PRICKLE2: variants seen among roughly 807,000 people sequenced by gnomAD.
PRICKLE2 encodes the protein prickle planar cell polarity protein 2, also known as prickle-like protein 2.
Under a neutral mutation model 81.4 loss-of-function variants are expected in PRICKLE2, and 21 were observed. The observed-to-expected ratio is 0.26, with a 90% CI of 0.18 to 0.37. The LOEUF is 0.37. Among genes scored for constraint, PRICKLE2 ranks in the 10% least tolerant of loss-of-function variants. The pLI is 1.00. For synonymous variants in PRICKLE2, 456 were observed against 421.5 expected (o/e 1.08, Z -1.00); for missense variants, 940 against 1,109.0 (o/e 0.85, Z 2.16).
chr3:64,263,977 G>A (rs1413093296), intron 2 of PRICKLE2, among the ~76,000 whole-genome samples: 1 of 152,144 alleles, frequency 6.6e-6, no homozygotes, highest in African/African-American at 2.4e-5. Context: ...TAGAGAAGCA[G>A]GCTTCGGCAG....
chr3:64,110,053 T>A (rs773311875), intron 7 of PRICKLE2, among the ~76,000 whole-genome samples: 1 of 152,224 alleles, frequency 6.6e-6, no homozygotes, highest in Non-Finnish European at 1.5e-5. Context: ...GGAAGGGACA[T>A]CTTCCAGAAT....
rs1403462594 is a variant in PRICKLE2, at chr3:64,151,442, C to G, written c.787+1740G>C. ...AAAGAAAGAGAAGAAAACCGAGGGG[C>G]CATCTGAGGTGTACATGCTGCAGCA... On this transcript the variant is annotated intron_variant, in intron 6 of 7. Transcript: ENST00000638394. Among the ~76,000 whole-genome samples, 3 of 152,142 alleles carry G rather than the reference C, an allele frequency of 2.0e-5. No homozygotes were observed. The East Asian group carries it at 5.8e-4, about 29-fold the overall frequency.
chr3:64,215,807 T>C (rs1255366941), intron 1 of PRICKLE2, among the ~76,000 whole-genome samples: 1 of 152,226 alleles, frequency 6.6e-6, no homozygotes, highest in Non-Finnish European at 1.5e-5. Context: ...ATAACTATAG[T>C]GTAGTAATTT....
intron 7 of PRICKLE2, among the ~76,000 whole-genome samples, chr3:64,144,704 T>C (rs1039714358): frequency 2.0e-5 from 3 of 152,240 alleles, no homozygotes; most frequent in African/African-American, 7.2e-5. Context: ...CAGTTTGTTT[T>C]CATTTTCAAT....
intron 7 of PRICKLE2, among the ~76,000 whole-genome samples, chr3:64,115,883 C>G (rs2076926852): frequency 6.6e-6 from 1 of 152,166 alleles, no homozygotes; most frequent in Non-Finnish European, 1.5e-5. Context: ...CCCAAAAAAA[C>G]AGAATACACA....
chr3:64,164,483 G>A (rs1470488161), intron 2 of PRICKLE2, among the ~76,000 whole-genome samples: 6 of 152,340 alleles, frequency 3.9e-5, no homozygotes, highest in Admixed American at 2.6e-4. Flanking sequence ...CGAAAGCTCT[G>A]TCTACTTTGA....
At chr3:64,246,061 A>T (rs1048277615) in intron 2 of PRICKLE2, among the ~76,000 whole-genome samples, 9 of 152,108 alleles carry the variant, frequency 5.9e-5, no homozygotes, top group African/African-American at 2.2e-4. Flanking sequence ...CCTGGCCAAC[A>T]TGGCAAAACC....
At chr3:64,226,857 G>A (rs898325248), upstream of PRICKLE2, among the ~76,000 whole-genome samples, 3 of 152,176 alleles carry the variant, frequency 2.0e-5, no homozygotes, top group Non-Finnish European at 4.4e-5. Context: ...CACTGTGAGT[G>A]AAAGTAAAGG....
chr3:64,198,610 T>C, intron 2 of PRICKLE2, 174 bp downstream of exon 2: 1 of 698,220 alleles, frequency 1.4e-6, no homozygotes, highest in African/African-American at 1.7e-5. Flanking sequence ...CCTGGCTCAA[T>C]TTCATTTCCC....
At chr3:64,223,658 C>G (rs2078989339) in intron 1 of PRICKLE2, among the ~76,000 whole-genome samples, 1 of 152,166 alleles carries the variant, frequency 6.6e-6, no homozygotes, top group African/African-American at 2.4e-5. Flanking sequence ...GGGGAAGGAG[C>G]ATTTGATGGA....
chr3:64,149,151 C>T (rs2077503927), intron 6 of PRICKLE2, among the ~76,000 whole-genome samples: 1 of 152,198 alleles, frequency 6.6e-6, no homozygotes, highest in South Asian at 2.1e-4. Flanking sequence ...CTCCCACAGC[C>T]CCAGGGGTTC....
rs564377988 is a variant in PRICKLE2 at position 64,181,983 on chromosome 3, G to A, written c.144+16801C>T. ...AGGAAGACAAAAATGCTGAATAACT[G>A]GAGCTTTGTTAAAAGTGATAGAGGG... On this transcript the variant is annotated intron_variant, in intron 2 of 7. Coordinates refer to ENST00000638394, the MANE Select transcript of PRICKLE2 (RefSeq NM_198859.4). 2.6e-5 allele frequency among the ~76,000 whole-genome samples: 4 copies of A among 152,234 alleles called. No individual in the cohort carries two copies. In the South Asian group the frequency reaches 8.3e-4, roughly 32 times the overall value.
intron 7 of PRICKLE2, chr3:64,102,273 G>A (rs568529272): frequency 6.6e-6 from 1 of 152,344 alleles, no homozygotes; most frequent in South Asian, 2.1e-4. Flanking sequence ...CTACAGACTG[G>A]TTAGGAGCAG....
chr3:64,093,764 T>C lies in PRICKLE2; in HGVS notation c.*5287A>G, dbSNP rs1164150156. 1 of 152,160 alleles carries C rather than the reference T, an allele frequency of 6.6e-6. No homozygotes were observed. The highest frequency in any genetic ancestry group is 6.5e-5 in the Admixed American group (1 of 15,278). 9.4% of individuals were successfully genotyped at this position (152,160 alleles called of 1,614,324 possible). A position where few individuals can be genotyped will look rare whatever the true frequency, so the allele number is the denominator to read the frequency against. ...GGTTAATATTTCATAGTAAAACTCATCCCTCCATACCTGTGTCCTTTCTTT... is the reference window on the plus strand; with the variant it reads ...GGTTAATATTTCATAGTAAAACTCACCCCTCCATACCTGTGTCCTTTCTTT... On this transcript the variant is annotated 3_prime_UTR_variant, in exon 8 of 8. Coordinates refer to ENST00000638394, the MANE Select transcript of PRICKLE2 (RefSeq NM_198859.4).
chr3:64,224,791 C>T (rs985466430), intron 1 of PRICKLE2, 119 bp downstream of exon 1: 1 of 505,810 alleles, frequency 2.0e-6, no homozygotes, highest in African/African-American at 2.1e-5. Context: ...GCTACCTGGC[C>T]AAGAAAACGA....
At chr3:64,118,907 G>C (rs2076982681) in intron 7 of PRICKLE2, among the ~76,000 whole-genome samples, 1 of 151,608 alleles carries the variant, frequency 6.6e-6, no homozygotes, top group Admixed American at 6.6e-5. Context: ...CTATTATAAA[G>C]AAAGATGCAG....
At chr3:64,264,289 G>T (rs896328295) in intron 2 of PRICKLE2, among the ~76,000 whole-genome samples, 1 of 152,112 alleles carries the variant, frequency 6.6e-6, no homozygotes, top group African/African-American at 2.4e-5. Flanking sequence ...TAGGGTTGTC[G>T]TAAGGGTTTT....
rs1559505915 is a variant in PRICKLE2 at position 64,099,460 on chromosome 3, G to C, written c.2126C>G (p.Ser709Cys). ...CAGAGGGGGCCTATCTTTTAACCGG[G>C]AGATGGCCTCGCGTTCGCTGGCCAG... ...LHLASEREAI[S>C]RLKDRPPLRA... The change falls in exon 8 of 8, where the codon TCC (serine) becomes TGC (cysteine). Residue 709 changes from serine (S) to cysteine (C), a missense_variant. Transcript: ENST00000638394. The surrounding 1 kb of genome is among the most constrained non-coding windows in gnomAD (Gnocchi z 4.3). 5 of 1,585,010 alleles carry C rather than the reference G, an allele frequency of 3.2e-6. No individual in the cohort carries two copies. In the African/African-American group the frequency reaches 5.4e-5, roughly 17 times the overall value.
upstream of PRICKLE2, among the ~76,000 whole-genome samples, chr3:64,228,485 G>A (rs968614818): frequency 6.6e-6 from 1 of 151,582 alleles, no homozygotes; most frequent in Non-Finnish European, 1.5e-5. Context: ...TCCACAGATT[G>A]TTAATTCCCT....
Sources: gnomAD v4.1 joint callset for allele counts (sites outside exome capture counted in the v4.1 genomes callset) on GRCh38, gnomAD v4.1.1 for gene constraint, Gnocchi (gnomAD v3.1) non-coding constraint, MANE v1.5 for transcripts, NCBI Gene and HGNC (gene_info 2026-07-23, HGNC 2026-07-21) for gene names.